Variants in UBE2E2 observed in about 807,000 individuals in gnomAD.
UBE2E2 encodes ubiquitin conjugating enzyme E2 E2, also known as ubiquitin-conjugating enzyme E2 E2.
UBE2E2 carries 6 observed loss-of-function variants against 24.7 expected under a neutral mutation model. That is an observed-to-expected ratio of 0.24 (90% CI 0.13 to 0.48). The LOEUF (loss-of-function observed/expected upper bound fraction) is 0.48, where lower values mean the gene tolerates loss of function less well. UBE2E2 is among the 20% of genes least tolerant of loss of function. UBE2E2 has a pLI of 0.99. For synonymous variants in UBE2E2, 104 were observed against 83.6 expected, an observed-to-expected ratio of 1.24 and a Z score of -1.33; for missense variants, 169 against 245.0, an observed-to-expected ratio of 0.69 and a Z score of 2.07.
At chr3:23,525,696 G>A (rs1443054798) in intron 4 of UBE2E2, among the ~76,000 whole-genome samples, 1 of 152,194 alleles carries the variant, frequency 6.6e-6, no homozygotes, top group African/African-American at 2.4e-5. Flanking sequence ...CCCTTGCAAT[G>A]GAAGTGCAGT....
intron 3 of UBE2E2, among the ~76,000 whole-genome samples, chr3:23,442,932 T>TTA (rs1191320380): frequency 2.6e-5 from 4 of 152,360 alleles, no homozygotes; most frequent in Non-Finnish European, 4.4e-5. Context: ...AATATCTATA[T>TTA]TAATAATTGA....
chr3:23,449,989 G>A lies in UBE2E2; in HGVS notation c.228-49619G>A, dbSNP rs545300886. 7.8e-4 allele frequency: 727 copies of A among 931,368 alleles called. 3 individuals are homozygous for A. The highest frequency in any genetic ancestry group is 6.4e-3 in the African/African-American group (362 of 56,294). 57.7% of individuals were successfully genotyped at this position (931,368 alleles called of 1,614,324 possible). On this transcript the variant is annotated intron_variant, in intron 3 of 5. Coordinates refer to ENST00000396703, the MANE Select transcript of UBE2E2 (RefSeq NM_152653.4). Reference sequence around the variant, plus strand: ...ACTGGGCCCACTGCTACCCTGCCACGTGAGTACAGCAATGGCTTTGAGGAC... The same window carrying A: ...ACTGGGCCCACTGCTACCCTGCCACATGAGTACAGCAATGGCTTTGAGGAC...
intron 5 of UBE2E2, among the ~76,000 whole-genome samples, chr3:23,584,726 G>GTTTTTTTTTTT (rs1158915900): frequency 1.9e-4 from 22 of 113,502 alleles, no homozygotes; most frequent in Non-Finnish European, 2.8e-4. Flanking sequence ...GCTGTTTTTT[G>GTTTTTTTTTTT]TTTTTTTTTT....
intron 5 of UBE2E2, among the ~76,000 whole-genome samples, chr3:23,535,016 T>C (rs1242115773): frequency 2.0e-5 from 3 of 152,180 alleles, no homozygotes; most frequent in Non-Finnish European, 4.4e-5. Context: ...TTTAAAGAAT[T>C]TTTGGTCCAT....
chr3:23,335,475 G>T (rs1695179048), intron 3 of UBE2E2, among the ~76,000 whole-genome samples: 2 of 152,150 alleles, frequency 1.3e-5, no homozygotes, highest in Non-Finnish European at 2.9e-5. Flanking sequence ...TCTTGTAGCA[G>T]TGTCTATATT....
At chr3:23,348,830 T>C (rs1277006300) in intron 3 of UBE2E2, among the ~76,000 whole-genome samples, 6 of 145,980 alleles carry the variant, frequency 4.1e-5, no homozygotes, top group Non-Finnish European at 6.1e-5. Flanking sequence ...ACCCACAGAC[T>C]TTTGGAAAGT....
rs1452105360 is a variant in UBE2E2, at chr3:23,375,365, C to G, written c.228-124243C>G. On this transcript the variant is annotated intron_variant, in intron 3 of 5. Transcript: ENST00000396703. ...CTTACTATGAGAATGCTACCTGATC[C>G]AAAAACCTGAAAAATTTATGGTGTG... Among the ~76,000 whole-genome samples the G allele has an allele frequency of 3.9e-5, 6 of 152,084 alleles. No homozygotes were observed. In the East Asian group the frequency reaches 1.2e-3, roughly 29 times the overall value.
At chr3:23,585,845 C>G (rs1415829192) in intron 5 of UBE2E2, among the ~76,000 whole-genome samples, 3 of 147,834 alleles carry the variant, frequency 2.0e-5, no homozygotes, top group Non-Finnish European at 4.4e-5. Context: ...TGGAGCCTGG[C>G]TTGGATGGCA....
intron 3 of UBE2E2, among the ~76,000 whole-genome samples, chr3:23,451,125 C>A (rs1355265014): frequency 6.6e-6 from 1 of 152,170 alleles, no homozygotes; most frequent in African/African-American, 2.4e-5. Flanking sequence ...ATTAACTGGG[C>A]ACGGTGGTGC....
At chr3:23,356,170 G>A (rs1208420077) in intron 3 of UBE2E2, among the ~76,000 whole-genome samples, 1 of 152,132 alleles carries the variant, frequency 6.6e-6, no homozygotes, top group Non-Finnish European at 1.5e-5. Context: ...CCTTACTCAG[G>A]GTCAGGAGAA....
At chr3:23,253,554 C>T (rs186996642) in intron 3 of UBE2E2, among the ~76,000 whole-genome samples, 15 of 152,274 alleles carry the variant, frequency 9.9e-5, no homozygotes, top group Admixed American at 2.0e-4. Flanking sequence ...CACATTGGTA[C>T]TGTGCTTCAG....
intron 3 of UBE2E2, among the ~76,000 whole-genome samples, chr3:23,497,006 A>G (rs574486317): frequency 6.6e-5 from 10 of 152,224 alleles, no homozygotes; most frequent in Non-Finnish European, 1.5e-5. Context: ...CTGTATTCTT[A>G]CAATAAAGTA....
chr3:23,563,504 T>G (rs980049769), intron 5 of UBE2E2, among the ~76,000 whole-genome samples: 1 of 152,166 alleles, frequency 6.6e-6, no homozygotes, highest in Non-Finnish European at 1.5e-5. Flanking sequence ...GTGGTCAGTT[T>G]TGGAATAGGT....
intron 5 of UBE2E2, among the ~76,000 whole-genome samples, chr3:23,577,529 G>C (rs1454096933): frequency 6.6e-6 from 1 of 152,144 alleles, no homozygotes; most frequent in African/African-American, 2.4e-5. Flanking sequence ...GGCTCACAAG[G>C]TTTTAAAAAA....
In UBE2E2 at chr3:23,219,473, T is replaced by C. The variant is rs1696566683; in HGVS notation, c.227+2161T>C. On this transcript the variant is annotated intron_variant, in intron 3 of 5. Transcript: ENST00000396703. ...GTGGTTACCATCTTCAGAAAGAGATTAGATTGCAGTGTTAGTTTGGCTTAT... is the reference window on the plus strand; with the variant it reads ...GTGGTTACCATCTTCAGAAAGAGATCAGATTGCAGTGTTAGTTTGGCTTAT... Among the ~76,000 whole-genome samples the C allele has an allele frequency of 2.6e-5, 4 of 152,196 alleles. No homozygotes were observed. In the South Asian group the frequency reaches 8.3e-4, roughly 31 times the overall value.
At chr3:23,535,694 G>A (rs765596646) in intron 5 of UBE2E2, among the ~76,000 whole-genome samples, 1 of 135,240 alleles carries the variant, frequency 7.4e-6, no homozygotes, top group East Asian at 2.3e-4. Flanking sequence ...CACGATCTCA[G>A]CTCACTGCAT....
intron 3 of UBE2E2, among the ~76,000 whole-genome samples, chr3:23,291,455 A>G (rs1698763059): frequency 6.6e-6 from 1 of 152,206 alleles, no homozygotes; most frequent in South Asian, 2.1e-4. Context: ...CACAATTTTA[A>G]TGTTATTTTA....
At chr3:23,245,065 C>A (rs1477028166) in intron 3 of UBE2E2, among the ~76,000 whole-genome samples, 1 of 151,982 alleles carries the variant, frequency 6.6e-6, no homozygotes, top group African/African-American at 2.4e-5. Flanking sequence ...ATGAGAATAT[C>A]CTTTGGGCTT....
At chr3:23,347,189 C>T (rs1283768052) in intron 3 of UBE2E2, among the ~76,000 whole-genome samples, 2 of 152,206 alleles carry the variant, frequency 1.3e-5, no homozygotes, top group African/African-American at 4.8e-5. Flanking sequence ...TTGACCCAGC[C>T]ATCCCATTAC....
Sources: gnomAD v4.1 joint callset for allele counts (sites outside exome capture counted in the v4.1 genomes callset) on GRCh38, gnomAD v4.1.1 for gene constraint, MANE v1.5 for transcripts, NCBI Gene and HGNC (gene_info 2026-07-23, HGNC 2026-07-21) for gene names.